CFAP61: variants seen among roughly 807,000 people sequenced by gnomAD.
CFAP61 encodes cilia and flagella associated protein 61, also known as cilia- and flagella-associated protein 61.
A neutral mutation model predicts 135.6 loss-of-function variants in CFAP61; 107 were observed. The ratio of observed to expected loss-of-function variants is 0.79; its 90% CI spans 0.67 to 0.93. The LOEUF (loss-of-function observed/expected upper bound fraction) is 0.93. Ranked by LOEUF, CFAP61 falls within the 40% of genes least tolerant of loss-of-function variation. The pLI is 0.00. For missense variants in CFAP61, 1,507 were observed against 1,556.2 expected, an observed-to-expected ratio of 0.97 and a Z score of 0.53; for synonymous variants, 575 against 578.5, an observed-to-expected ratio of 0.99 and a Z score of 0.09.
intron 8 of CFAP61, among the ~76,000 whole-genome samples, chr20:20,123,113 ATTGT>A (rs1224042812): frequency 1.3e-5 from 2 of 149,998 alleles, no homozygotes; most frequent in East Asian, 3.9e-4. Flanking sequence ...TTTTGATGGG[ATTGT>A]TTGTTTTTTT....
At chr20:20,183,195 C>T (rs576336462) in intron 13 of CFAP61, among the ~76,000 whole-genome samples, 1 of 151,734 alleles carries the variant, frequency 6.6e-6, no homozygotes, top group East Asian at 1.9e-4. Context: ...CACTGTTTTG[C>T]CCAGGCTGGA....
intron 8 of CFAP61, among the ~76,000 whole-genome samples, chr20:20,109,786 T>G (rs1254912040): frequency 6.6e-6 from 1 of 152,248 alleles, no homozygotes; most frequent in Non-Finnish European, 1.5e-5. Context: ...TCTTAATCTA[T>G]CAAGTCTATG....
chr20:20,289,996 G>C (rs531772241), intron 23 of CFAP61, among the ~76,000 whole-genome samples: 268 of 152,328 alleles, frequency 1.8e-3, no homozygotes, highest in African/African-American at 5.8e-3. Flanking sequence ...TCTTGATCTG[G>C]TTTTGGCAGA....
chr20:20,220,271 G>T (rs1235675605), intron 17 of CFAP61: 1 of 152,298 alleles, frequency 6.6e-6, no homozygotes, highest in Non-Finnish European at 1.5e-5. Flanking sequence ...TGGAGGTGCT[G>T]GGAGGGTGGC....
intron 17 of CFAP61, among the ~76,000 whole-genome samples, chr20:20,206,326 G>T (rs978965263): frequency 6.6e-6 from 1 of 152,136 alleles, no homozygotes; most frequent in African/African-American, 2.4e-5. Flanking sequence ...AAGGTTTTTA[G>T]TATATTCTCA....
chr20:20,109,946 G>T (rs137946712), intron 8 of CFAP61, among the ~76,000 whole-genome samples: 2,649 of 143,744 alleles, frequency 0.018, 41 homozygotes, highest in Non-Finnish European at 0.025. Flanking sequence ...CGCTCTTGTT[G>T]CCCAGGCTGG....
chr20:20,131,683 T>G (rs2050539851), intron 8 of CFAP61, among the ~76,000 whole-genome samples: 1 of 151,942 alleles, frequency 6.6e-6, no homozygotes. Flanking sequence ...TATTTGATGT[T>G]TTTTTAATAT....
At chr20:20,186,331 A>G (rs968821301) in intron 13 of CFAP61, among the ~76,000 whole-genome samples, 1 of 152,348 alleles carries the variant, frequency 6.6e-6, no homozygotes, top group Non-Finnish European at 1.5e-5. Flanking sequence ...AAGTTCATGC[A>G]TGTTGGAGTA....
At chr20:20,104,616 T>C (rs529922986) in intron 8 of CFAP61, among the ~76,000 whole-genome samples, 142 of 152,194 alleles carry the variant, frequency 9.3e-4, no homozygotes, top group Admixed American at 3.6e-3. Flanking sequence ...ATTACAGATC[T>C]CGGAACCTTG....
intron 24 of CFAP61, among the ~76,000 whole-genome samples, chr20:20,290,979 T>C (rs574153630): frequency 1.3e-5 from 2 of 152,346 alleles, no homozygotes; most frequent in South Asian, 2.1e-4. Context: ...TATTGTTTTA[T>C]GCCATTACTT....
intron 9 of CFAP61, among the ~76,000 whole-genome samples, chr20:20,146,847 G>A (rs566112998): frequency 6.6e-6 from 1 of 152,174 alleles, no homozygotes; most frequent in South Asian, 2.1e-4. Flanking sequence ...TGAGATTTTA[G>A]TGCATCCGTC....
chr20:20,180,516 G>A (rs968386552), intron 13 of CFAP61, among the ~76,000 whole-genome samples: 1 of 151,862 alleles, frequency 6.6e-6, no homozygotes, highest in African/African-American at 2.4e-5. Flanking sequence ...GTCAATAACA[G>A]ATGGAGAGGT....
chr20:20,200,046 G>A (rs1235728119), intron 17 of CFAP61, 144 bp downstream of exon 17: 23 of 966,632 alleles, frequency 2.4e-5, no homozygotes, highest in South Asian at 3.2e-5. Context: ...GCGGAGCCCC[G>A]CGAAGGCTCC....
chr20:20,336,977 C>G (rs2058217505), intron 25 of CFAP61, among the ~76,000 whole-genome samples: 8 of 152,258 alleles, frequency 5.3e-5, no homozygotes, highest in Admixed American at 5.2e-4. Flanking sequence ...ATGTTTGACA[C>G]AGGCGTGAGG....
At chr20:20,345,176 A>G (rs572013558) in intron 26 of CFAP61, among the ~76,000 whole-genome samples, 21 of 152,340 alleles carry the variant, frequency 1.4e-4, no homozygotes, top group African/African-American at 4.6e-4. Flanking sequence ...GATGAATAAG[A>G]TCTAGTATTT....
intron 26 of CFAP61, among the ~76,000 whole-genome samples, chr20:20,352,877 A>G (rs755952780): frequency 9.2e-5 from 14 of 152,214 alleles, no homozygotes; most frequent in Non-Finnish European, 1.6e-4. Flanking sequence ...CACAGCAAAG[A>G]AAACAACAGA....
chr20:20,090,310 A>G (rs2146614404), intron 6 of CFAP61, among the ~76,000 whole-genome samples: 1 of 151,864 alleles, frequency 6.6e-6, no homozygotes, highest in East Asian at 1.9e-4. Context: ...TGACCCTCTC[A>G]CTCTCTATCC....
chr20:20,193,801 A>T lies in CFAP61; in HGVS notation c.1590+2382A>T, dbSNP rs536380339. Among the ~76,000 whole-genome samples, 4 of 152,172 alleles carry T rather than the reference A, an allele frequency of 2.6e-5. No individual in the cohort carries two copies. The South Asian group carries it at 8.3e-4, about 32-fold the overall frequency. Reference sequence around the variant, plus strand: ...GCTAATTTTTGTATTTTTAGTAGAGATGGGGTTTCACCATGTTGGCCAGTC... The same window carrying T: ...GCTAATTTTTGTATTTTTAGTAGAGTTGGGGTTTCACCATGTTGGCCAGTC... On this transcript the variant is annotated intron_variant, in intron 15 of 26. Transcript: ENST00000245957.
chr20:20,070,962 G>T lies in CFAP61; in HGVS notation c.252G>T (p.Trp84Cys). The T allele has an allele frequency of 6.2e-7, 1 of 1,614,156 alleles. No individual in the cohort carries two copies. Among genetic ancestry groups the T allele is most frequent in the Non-Finnish European group, 8.5e-7 (1 of 1,180,030 alleles). The change falls in exon 3 of 27, where the codon TGG (tryptophan) becomes TGT (cysteine). Residue 84 changes from tryptophan (W) to cysteine (C), a missense_variant. Transcript: ENST00000245957. ...GGAATGTTGCCAAGCAGGATGACTG[G>T]GTGTCAGTGTTCCGGGAGCTCGACA... ...PNWNVAKQDD[W>C]VSVFRELDSD...
Sources: allele counts gnomAD v4.1 joint callset (sites outside exome capture counted in the v4.1 genomes callset), GRCh38; gene constraint gnomAD v4.1.1; transcripts MANE v1.5; gene names NCBI Gene and HGNC (gene_info 2026-07-23, HGNC 2026-07-21).